Variants in UNC5D observed in about 807,000 individuals in gnomAD.
The protein encoded by UNC5D is netrin receptor UNC5D.
UNC5D carries 39 observed loss-of-function variants against 105.4 expected under a neutral mutation model. The ratio of observed to expected loss-of-function variants is 0.37; its 90% CI spans 0.29 to 0.48. UNC5D has a LOEUF of 0.48. UNC5D is among the 20% of genes least tolerant of loss of function. The pLI is 0.98. For synonymous variants in UNC5D, 452 were observed against 450.4 expected, an observed-to-expected ratio of 1.00 and a Z score of -0.04; for missense variants, 991 against 1,202.4, an observed-to-expected ratio of 0.82 and a Z score of 2.60.
At chr8:35,347,222 A>G (rs1811867339) in intron 1 of UNC5D, among the ~76,000 whole-genome samples, 1 of 151,998 alleles carries the variant, frequency 6.6e-6, no homozygotes, top group Admixed American at 6.6e-5. Flanking sequence ...TCTTTTTGGC[A>G]GTGTGCTGGA....
intron 7 of UNC5D, among the ~76,000 whole-genome samples, chr8:35,692,737 A>G (rs1431053354): frequency 6.6e-6 from 1 of 152,196 alleles, no homozygotes; most frequent in Non-Finnish European, 1.5e-5. Flanking sequence ...GCCATTAGCA[A>G]GTTAACATAC....
chr8:35,773,991 T>C (rs1240015956), intron 15 of UNC5D, among the ~76,000 whole-genome samples: 3 of 152,178 alleles, frequency 2.0e-5, no homozygotes, highest in Non-Finnish European at 2.9e-5. Context: ...TCCAAAGTGC[T>C]GGGATTACAA....
intron 1 of UNC5D, chr8:35,255,512 TG>T (rs1357741921): frequency 6.6e-6 from 1 of 152,168 alleles, no homozygotes; most frequent in Non-Finnish European, 1.5e-5. Flanking sequence ...GAGGTTTGTT[TG>T]TTTAAAAATT....
At chr8:35,452,220 C>T (rs1413612775) in intron 1 of UNC5D, among the ~76,000 whole-genome samples, 1 of 152,104 alleles carries the variant, frequency 6.6e-6, no homozygotes. Context: ...TGAGTTTGTA[C>T]ACGTGTATGT....
chr8:35,413,244 G>A (rs533145368), intron 1 of UNC5D, among the ~76,000 whole-genome samples: 30 of 135,304 alleles, frequency 2.2e-4, no homozygotes, highest in Non-Finnish European at 4.2e-4. Flanking sequence ...TTCCTAATCA[G>A]GTGGGGGCGG....
intron 1 of UNC5D, among the ~76,000 whole-genome samples, chr8:35,249,795 G>C (rs1003451009): frequency 6.6e-6 from 1 of 151,912 alleles, no homozygotes; most frequent in Non-Finnish European, 1.5e-5. Flanking sequence ...GAAAACTCTT[G>C]ATTCTTGGAG....
At chr8:35,709,245 C>G (rs1031542082) in intron 8 of UNC5D, among the ~76,000 whole-genome samples, 3 of 152,074 alleles carry the variant, frequency 2.0e-5, no homozygotes, top group Non-Finnish European at 4.4e-5. Context: ...ATCAAGCTTA[C>G]GTGTTAGTGA....
chr8:35,452,055 T>C (rs1808187956), intron 1 of UNC5D, among the ~76,000 whole-genome samples: 1 of 152,168 alleles, frequency 6.6e-6, no homozygotes, highest in East Asian at 1.9e-4. Flanking sequence ...AAGCTTTGTA[T>C]GAATAAGGCA....
intron 1 of UNC5D, among the ~76,000 whole-genome samples, chr8:35,392,088 T>G (rs1803813951): frequency 6.6e-6 from 1 of 152,220 alleles, no homozygotes; most frequent in South Asian, 2.1e-4. Flanking sequence ...TGGATTTCAC[T>G]ACTCTAAATT....
chr8:35,286,209 G>A (rs530391145), intron 1 of UNC5D, among the ~76,000 whole-genome samples: 1 of 152,240 alleles, frequency 6.6e-6, no homozygotes, highest in East Asian at 1.9e-4. Context: ...CATTTTCCCA[G>A]AGTGACACCA....
chr8:35,355,692 G>T (rs913682449), intron 1 of UNC5D, among the ~76,000 whole-genome samples: 9 of 152,098 alleles, frequency 5.9e-5, no homozygotes, highest in African/African-American at 1.9e-4. Flanking sequence ...CGCCAATGTG[G>T]TAATATTTAC....
At chr8:35,491,885 G>C (rs1024830053) in intron 1 of UNC5D, among the ~76,000 whole-genome samples, 1 of 152,120 alleles carries the variant, frequency 6.6e-6, no homozygotes, top group African/African-American at 2.4e-5. Flanking sequence ...TAGCTTATGT[G>C]AGAATAGTTA....
Position 35,722,244 on chromosome 8 carries a change from G to A in UNC5D, c.1152G>A (p.Ser384=), listed in dbSNP as rs141612901. The change falls in exon 9 of 17, where the codon TCG becomes TCA. Residue 384 remains serine (S), a synonymous_variant. Transcript: ENST00000404895. ...ATGCCAGCGACATTGCTTTGTACTCGGGCTTGGGTGCTGCCGTCGTGGCCG... is the reference window on the plus strand; with the variant it reads ...ATGCCAGCGACATTGCTTTGTACTCAGGCTTGGGTGCTGCCGTCGTGGCCG... The part of the protein sequence containing the change: ...IENASDIALY[S]GLGAAVVAVA... 485 of 1,613,966 alleles carry A rather than the reference G, an allele frequency of 3.0e-4. 2 individuals carry two copies. The East Asian group carries it at 7.8e-3, about 26-fold the overall frequency.
rs532114900 is a variant in UNC5D at position 35,794,635 on chromosome 8, T to C, written c.*4072T>C. ...AAGCAAAAATGTATTTTGTCCAATGTCACAAAAGTGAAAATGTTACTAATC... is the reference window on the plus strand; with the variant it reads ...AAGCAAAAATGTATTTTGTCCAATGCCACAAAAGTGAAAATGTTACTAATC... On this transcript the variant is annotated 3_prime_UTR_variant, in exon 17 of 17. Transcript: ENST00000404895. 2.0e-5 allele frequency: 3 copies of C among 152,774 alleles called. No homozygotes were observed. In the East Asian group the frequency reaches 5.8e-4, roughly 29 times the overall value. 9.5% of individuals were successfully genotyped at this position (152,774 alleles called of 1,614,324 possible).
intron 1 of UNC5D, among the ~76,000 whole-genome samples, chr8:35,411,253 C>T (rs1390166176): frequency 6.6e-6 from 1 of 151,980 alleles, no homozygotes; most frequent in Non-Finnish European, 1.5e-5. Context: ...TTCCTGATAT[C>T]TCAGAGATGA....
At position 35,296,209 on chromosome 8, in the gene UNC5D, T is replaced by C. The variant is rs80184070; in HGVS notation, c.103+60322T>C. Among the ~76,000 whole-genome samples the C allele has an allele frequency of 1.1e-3, 161 of 152,302 alleles. 2 individuals are homozygous for C. The East Asian group carries it at 0.026, about 24-fold the overall frequency. On this transcript the variant is annotated intron_variant, in intron 1 of 16. Transcript: ENST00000404895. ...AATTGCTGGTTACATGGTAGCTTTA[T>C]TTTTAGTTCTTTGAGGAGCTTCTAT...
At chr8:35,368,317 C>T (rs1311282706) in intron 1 of UNC5D, among the ~76,000 whole-genome samples, 3 of 152,098 alleles carry the variant, frequency 2.0e-5, no homozygotes, top group East Asian at 1.9e-4. Flanking sequence ...TGCCACCCCC[C>T]GACACATGTG....
intron 1 of UNC5D, among the ~76,000 whole-genome samples, chr8:35,256,879 T>A (rs72633505): frequency 6.6e-6 from 1 of 152,124 alleles, no homozygotes; most frequent in Non-Finnish European, 1.5e-5. Context: ...AGCCACTAGA[T>A]ACGGTAGGGA....
chr8:35,282,710 C>CAAAAAAA (rs200599461), intron 1 of UNC5D, among the ~76,000 whole-genome samples: 8 of 135,938 alleles, frequency 5.9e-5, no homozygotes, highest in Non-Finnish European at 1.1e-4. Context: ...TATTAAAAGA[C>CAAAAAAA]AAAAAAAAAA....
Sources: gnomAD v4.1 joint callset for allele counts (sites outside exome capture counted in the v4.1 genomes callset) on GRCh38, gnomAD v4.1.1 for gene constraint, MANE v1.5 for transcripts, NCBI Gene and HGNC (gene_info 2026-07-23, HGNC 2026-07-21) for gene names.